KCNIP1: variants seen among roughly 807,000 people sequenced by gnomAD.
KCNIP1 encodes potassium voltage-gated channel interacting protein 1.
In KCNIP1, 18 loss-of-function variants were observed where a neutral mutation model predicts 33.0. That is an observed-to-expected ratio of 0.55 (90% confidence interval 0.38 to 0.81). KCNIP1 has a LOEUF of 0.81. Ranked by LOEUF, KCNIP1 falls within the 30% of genes least tolerant of loss-of-function variation. KCNIP1 has a pLI of 0.00. For missense variants in KCNIP1, 238 were observed against 271.6 expected (o/e 0.88, Z 0.87); for synonymous variants, 93 against 98.3 (o/e 0.95, Z 0.32).
At chr5:170,562,557 C>G (rs543543751) in intron 1 of KCNIP1, among the ~76,000 whole-genome samples, 32 of 152,328 alleles carry the variant, frequency 2.1e-4, no homozygotes, top group Admixed American at 5.9e-4. Flanking sequence ...TCCCAAAGCT[C>G]AGTGGGTCCC....
In KCNIP1 at chr5:170,504,870, T is replaced by C. The variant is rs1754651034; in HGVS notation, c.61+237T>C. Among the ~76,000 whole-genome samples the C allele has an allele frequency of 6.6e-6, 1 of 152,124 alleles. No individual in the cohort carries two copies. Among genetic ancestry groups the C allele is most frequent in the Non-Finnish European group, 1.5e-5 (1 of 67,996 alleles). ...CTGGACCCCTCTGGGGCACCAGGTGTCGGGACTCTCCTCCTGGGGAAATCT... is the reference window on the plus strand; with the variant it reads ...CTGGACCCCTCTGGGGCACCAGGTGCCGGGACTCTCCTCCTGGGGAAATCT... On this transcript the variant is annotated intron_variant, in intron 1 of 7. Transcript: ENST00000328939. The surrounding 1 kb of genome is among the most constrained non-coding windows in gnomAD (Gnocchi z 6.0).
At position 170,594,991 on chromosome 5, in the gene KCNIP1, T is replaced by G. The variant is rs549236830; in HGVS notation, c.61+90358T>G. Reference sequence around the variant, plus strand: ...TTTAAATGCCACATGAGCGGCTAGGTGGGAGGGAGTACCGGGCCAATCCAA... The same window carrying G: ...TTTAAATGCCACATGAGCGGCTAGGGGGGAGGGAGTACCGGGCCAATCCAA... On this transcript the variant is annotated intron_variant, in intron 1 of 7. Coordinates refer to ENST00000328939, the MANE Select transcript of KCNIP1 (RefSeq NM_014592.4). 3.7e-3 allele frequency among the ~76,000 whole-genome samples: 558 copies of G among 152,000 alleles called. 1 individual carries two copies. The highest frequency in any genetic ancestry group is 5.7e-3 in the Non-Finnish European group (388 of 67,928).
intron 1 of KCNIP1, among the ~76,000 whole-genome samples, chr5:170,542,868 A>T (rs1027287851): frequency 1.3e-5 from 2 of 152,206 alleles, no homozygotes. Flanking sequence ...GCCATGGGTA[A>T]CTGAAACTAC....
chr5:170,424,918 G>T (rs1755578614), intron 1 of KCNIP1, among the ~76,000 whole-genome samples: 1 of 152,156 alleles, frequency 6.6e-6, no homozygotes, highest in Non-Finnish European at 1.5e-5. Flanking sequence ...GCTTCTTTCT[G>T]GTCTTCAGAC....
intron 1 of KCNIP1, among the ~76,000 whole-genome samples, chr5:170,566,008 C>T (rs188610439): frequency 6.9e-4 from 105 of 152,204 alleles, no homozygotes; most frequent in Admixed American, 3.9e-3. Context: ...AACTTGTTGT[C>T]TTTTAATTTC....
At chr5:170,627,885 A>G (rs1344649978) in intron 1 of KCNIP1, among the ~76,000 whole-genome samples, 1 of 152,202 alleles carries the variant, frequency 6.6e-6, no homozygotes, top group African/African-American at 2.4e-5. Flanking sequence ...AGGGACCCCA[A>G]AGAAACGTAT....
At chr5:170,457,722 A>G (rs1158255807) in intron 1 of KCNIP1, among the ~76,000 whole-genome samples, 1 of 152,316 alleles carries the variant, frequency 6.6e-6, no homozygotes, top group East Asian at 1.9e-4. Context: ...CTTCCATCTG[A>G]CAGACACTAC....
At chr5:170,580,850 G>A (rs1281078864) in intron 1 of KCNIP1, among the ~76,000 whole-genome samples, 1 of 152,014 alleles carries the variant, frequency 6.6e-6, no homozygotes, top group Non-Finnish European at 1.5e-5. Flanking sequence ...ATAAGGAAAA[G>A]CTTTTGAATA....
At chr5:170,598,874 G>A (rs1354009939) in intron 1 of KCNIP1, among the ~76,000 whole-genome samples, 3 of 149,472 alleles carry the variant, frequency 2.0e-5, no homozygotes, top group Admixed American at 6.6e-5. Context: ...TGATGTGCTC[G>A]TTCCCATAGC....
chr5:170,399,382 A>C (rs998735285), intron 1 of KCNIP1, among the ~76,000 whole-genome samples: 2 of 152,170 alleles, frequency 1.3e-5, no homozygotes, highest in African/African-American at 4.8e-5. Context: ...ATATGGAGTC[A>C]CTCTAGTCGC....
At chr5:170,689,353 G>A (rs151332498) in intron 1 of KCNIP1, among the ~76,000 whole-genome samples, 1 of 152,302 alleles carries the variant, frequency 6.6e-6, no homozygotes, top group East Asian at 1.9e-4. Flanking sequence ...ATACCTCTGT[G>A]TTCAGCCTGC....
intron 1 of KCNIP1, among the ~76,000 whole-genome samples, chr5:170,420,056 G>A (rs1755441983): frequency 1.3e-5 from 2 of 152,150 alleles, no homozygotes; most frequent in Admixed American, 1.3e-4. Context: ...GACCACATAT[G>A]TAACATTACA....
chr5:170,543,234 G>A (rs1561678157), intron 1 of KCNIP1, among the ~76,000 whole-genome samples: 1 of 152,158 alleles, frequency 6.6e-6, no homozygotes, highest in Non-Finnish European at 1.5e-5. Context: ...ACAGAAAGAT[G>A]TTTATCAGGT....
At chr5:170,571,261 C>CAGT (rs111529044) in intron 1 of KCNIP1, among the ~76,000 whole-genome samples, 10,471 of 152,280 alleles carry the variant, frequency 0.069, 519 homozygotes, top group African/African-American at 0.13. Context: ...CATTAGAACC[C>CAGT]AGTTAGGTCA....
intron 1 of KCNIP1, among the ~76,000 whole-genome samples, chr5:170,409,316 C>T (rs1453414751): frequency 1.3e-5 from 2 of 152,170 alleles, no homozygotes; most frequent in African/African-American, 4.8e-5. Context: ...TCCCCTGGGA[C>T]CACCTGCCTT....
intron 1 of KCNIP1, among the ~76,000 whole-genome samples, chr5:170,505,140 A>G (rs1000035395): frequency 6.6e-6 from 1 of 152,212 alleles, no homozygotes; most frequent in African/African-American, 2.4e-5. Context: ...AGCTGCTGCC[A>G]GGGGTAAAAC....
At position 170,718,935 on chromosome 5, in the gene KCNIP1, C is replaced by T. The variant is rs1369902733; in HGVS notation, c.186+53C>T. 20 of 1,579,050 alleles carry T rather than the reference C, an allele frequency of 1.3e-5. No homozygotes were observed. The African/African-American group carries it at 2.8e-4, about 22-fold the overall frequency. ...TGGGGGGGGTTCCCACGTGAGGCTA[C>T]ACTCTCCCCAATGCCAAGGGAGCTC... On this transcript the variant is annotated intron_variant, in intron 2 of 7. Transcript: ENST00000328939.
At chr5:170,385,739 T>C (rs149771905) in intron 1 of KCNIP1, among the ~76,000 whole-genome samples, 1 of 151,846 alleles carries the variant, frequency 6.6e-6, no homozygotes, top group African/African-American at 2.4e-5. Flanking sequence ...GGCTCAGTAA[T>C]GGCCCCCCAA....
intron 1 of KCNIP1, among the ~76,000 whole-genome samples, chr5:170,437,380 A>C (rs1309873030): frequency 6.6e-6 from 1 of 152,266 alleles, no homozygotes; most frequent in African/African-American, 2.4e-5. Context: ...GTGTGTCCTG[A>C]ACTCCCTCAC....
Sources: gnomAD v4.1 joint callset for allele counts (sites outside exome capture counted in the v4.1 genomes callset) on GRCh38, gnomAD v4.1.1 for gene constraint, Gnocchi (gnomAD v3.1) non-coding constraint, MANE v1.5 for transcripts, NCBI Gene and HGNC (gene_info 2026-07-23, HGNC 2026-07-21) for gene names.